CDH16: variants seen among roughly 807,000 people sequenced by gnomAD.
CDH16 encodes the protein cadherin 16.
Under a neutral mutation model 87.6 loss-of-function variants are expected in CDH16, and 79 were observed. That is an observed-to-expected ratio of 0.90 (90% CI 0.75 to 1.09). The LOEUF is 1.09. Among genes scored for constraint, CDH16 ranks in the 50% least tolerant of loss-of-function variants. CDH16 has a pLI of 0.00. For synonymous variants in CDH16, 457 were observed against 439.5 expected, an observed-to-expected ratio of 1.04 and a Z score of -0.50; for missense variants, 1,124 against 1,071.7, an observed-to-expected ratio of 1.05 and a Z score of -0.68.
rs1962633141 is a variant in CDH16 at position 66,915,361 on chromosome 16, G to A, written c.442C>T (p.Leu148Phe). Residue 148 changes from leucine to phenylalanine, a missense_variant, in exon 6 of 18, where the codon CTT becomes TTT. Coordinates refer to ENST00000299752, the MANE Select transcript of CDH16 (RefSeq NM_004062.4). ...GTRPGIPFLF[L>F]EASDRDEPGT... Reference sequence around the variant, plus strand: ...GGCTCATCCCGGTCTGAAGCCTCAAGGAAGAGGAAGGGGATGCCTGGTTCA... The same window carrying A: ...GGCTCATCCCGGTCTGAAGCCTCAAAGAAGAGGAAGGGGATGCCTGGTTCA... 6.2e-7 allele frequency: 1 copy of A among 1,613,980 alleles called. No individual in the cohort carries two copies. The highest frequency in any genetic ancestry group is 1.1e-5 in the South Asian group (1 of 91,038).
At chr16:66,915,196 C>G (rs1228416074) in intron 6 of CDH16, 24 bp downstream of exon 6, 1 of 1,585,758 alleles carries the variant, frequency 6.3e-7, no homozygotes, top group Non-Finnish European at 8.6e-7. Flanking sequence ...CCCTCCCTCC[C>G]CAGCACACCC....
chr16:66,913,520 T>C lies in CDH16; in HGVS notation c.874A>G (p.Arg292Gly), dbSNP rs746862204. The change falls in exon 8 of 18, where the codon AGA (arginine) becomes GGA (glycine). Residue 292 changes from arginine to glycine, a missense_variant. Arg to Gly is a moderately radical substitution (Grantham distance 125). Coordinates refer to ENST00000299752, the MANE Select transcript of CDH16 (RefSeq NM_004062.4). ...VNAEGNLYVT[R>G]ELDREAQAEY... is the part of the protein sequence containing the mutation. ...GCCTGGGCTTCTCTGTCCAGCTCTC[T>C]GGTCACGTAGAGGTTTCCCTCTGCA... The C allele has an allele frequency of 6.2e-7, 1 of 1,614,172 alleles. No individual in the cohort carries two copies. The highest frequency in any genetic ancestry group is 1.1e-5 in the South Asian group (1 of 91,084).
At chr16:66,917,276 G>A (rs1026236354) in intron 3 of CDH16, among the ~76,000 whole-genome samples, 17 of 152,104 alleles carry the variant, frequency 1.1e-4, no homozygotes, top group Non-Finnish European at 2.9e-5. Flanking sequence ...TCCAGCCTGG[G>A]CGACAAGAGC....
rs897352931 is a variant in CDH16 at position 66,909,405 on chromosome 16, G to A, written c.2276-22C>T. On this transcript the variant is annotated intron_variant, in intron 16 of 17. Coordinates refer to ENST00000299752, the MANE Select transcript of CDH16 (RefSeq NM_004062.4). This position sits in a 1 kb window ranked among gnomAD's most constrained non-coding sequence, Gnocchi z 4.1. ...ATCACTGAGGGGAGAGGGGAGGAAGGTAAGGGGAGGGAGGGGAGGGCTCCC... is the reference window on the plus strand; with the variant it reads ...ATCACTGAGGGGAGAGGGGAGGAAGATAAGGGGAGGGAGGGGAGGGCTCCC... 3.7e-6 allele frequency: 2 copies of A among 538,792 alleles called. No individual in the cohort carries two copies. The highest frequency in any genetic ancestry group is 7.3e-6 in the Non-Finnish European group (2 of 272,858). 33.4% of individuals were successfully genotyped at this position (538,792 alleles called of 1,614,324 possible). A position where few individuals can be genotyped will look rare whatever the true frequency, so the allele number is the denominator to read the frequency against.
rs774222467 is a variant in CDH16, at chr16:66,915,368, G to A, written c.435C>T (p.Phe145=). ...CCCGGTCTGAAGCCTCAAGGAAGAG[G>A]AAGGGGATGCCTGGTTCACGGTGGG... ...LSRGTRPGIP[F]LFLEASDRDE... Residue 145 remains phenylalanine (F), a synonymous_variant, in exon 6 of 18, where the codon TTC becomes TTT. Coordinates refer to ENST00000299752, the MANE Select transcript of CDH16 (RefSeq NM_004062.4). The A allele has an allele frequency of 2.5e-6, 4 of 1,613,940 alleles. No homozygotes were observed. The highest frequency in any genetic ancestry group is 2.5e-6 in the Non-Finnish European group (3 of 1,179,942).
intron 8 of CDH16, 43 bp downstream of exon 8, chr16:66,913,448 C>G (rs1185067222): frequency 6.2e-7 from 1 of 1,611,882 alleles, no homozygotes; most frequent in Non-Finnish European, 8.5e-7. Context: ...GGACACTGAC[C>G]AAGCACCCCC....
intron 9 of CDH16, 35 bp downstream of exon 9, chr16:66,913,096 T>C (rs1336102049): frequency 1.3e-6 from 2 of 1,581,192 alleles, no homozygotes; most frequent in Non-Finnish European, 1.7e-6. Context: ...AGGTGGTTAA[T>C]AGAGACTTCG....
In CDH16 at chr16:66,914,203, G is replaced by C. The variant is rs778611442; in HGVS notation, c.780+13C>G. Reference sequence around the variant, plus strand: ...CATGGGGCTGCTTCAGCCACTGACAGCCACTTACTCACCTGGGCCATGTGG... The same window carrying C: ...CATGGGGCTGCTTCAGCCACTGACACCCACTTACTCACCTGGGCCATGTGG... On this transcript the variant is annotated intron_variant, in intron 7 of 17. Coordinates refer to ENST00000299752, the MANE Select transcript of CDH16 (RefSeq NM_004062.4). The C allele has an allele frequency of 1.9e-6, 3 of 1,606,050 alleles. No individual in the cohort carries two copies. Among genetic ancestry groups the C allele is most frequent in the Non-Finnish European group, 2.6e-6 (3 of 1,173,384 alleles).
chr16:66,909,154 G>A lies in CDH16; in HGVS notation c.2392+113C>T. On this transcript the variant is annotated intron_variant, in intron 17 of 17. Transcript: ENST00000299752. The surrounding 1 kb of genome is among the most constrained non-coding windows in gnomAD (Gnocchi z 4.1). ...GCGCATAATGACTAGGAGAGTTGGGGGCTTCCTTTTTCAGAGCTAGGGGCA... is the reference window on the plus strand; with the variant it reads ...GCGCATAATGACTAGGAGAGTTGGGAGCTTCCTTTTTCAGAGCTAGGGGCA... 2.7e-6 allele frequency: 2 copies of A among 732,506 alleles called. No individual in the cohort carries two copies. The highest frequency in any genetic ancestry group is 2.6e-5 in the East Asian group (1 of 37,886). The allele number at this position is 732,506 out of a possible 1,614,324, so 45.4% of individuals were successfully genotyped here.
intron 6 of CDH16, among the ~76,000 whole-genome samples, chr16:66,914,743 G>A (rs572827296): frequency 1.3e-5 from 2 of 152,316 alleles, no homozygotes; most frequent in East Asian, 3.9e-4. Flanking sequence ...GGGAGTTTGA[G>A]TGTGTGAATA....
rs971619864 is a variant in CDH16, at chr16:66,909,332, C to A, written c.2327G>T (p.Arg776Leu). Residue 776 changes from arginine (R) to leucine (L), a missense_variant, in exon 17 of 18, where the codon CGC becomes CTC. Arg to Leu is a moderately radical substitution (Grantham distance 102, BLOSUM62 -2). Coordinates refer to ENST00000299752, the MANE Select transcript of CDH16 (RefSeq NM_004062.4). This position sits in a 1 kb window ranked among gnomAD's most constrained non-coding sequence, Gnocchi z 4.1. ...VEGQCMRKVG[R>L]MKGMPTKLSA... ...CAGCTTCGTGGGCATGCCCTTCATG[C>A]GGCCCACCTTGCGCATGCACTGCCC... is the stretch of plus-strand genomic sequence containing the variant. The A allele has an allele frequency of 1.9e-6, 3 of 1,584,950 alleles. No individual in the cohort carries two copies. Among genetic ancestry groups the A allele is most frequent in the Non-Finnish European group, 2.6e-6 (3 of 1,161,716 alleles).
At position 66,914,142 on chromosome 16, in the gene CDH16, C is replaced by T. The variant is rs1160933833; in HGVS notation, c.780+74G>A. ...TCATGAGGGTTCCAGACCCAGCCCC[C>T]AAATATCCATGAGACTCGGGCCTGG... On this transcript the variant is annotated intron_variant, in intron 7 of 17. Coordinates refer to ENST00000299752, the MANE Select transcript of CDH16 (RefSeq NM_004062.4). 15 of 1,332,556 alleles carry T rather than the reference C, an allele frequency of 1.1e-5. No homozygotes were observed. The Admixed American group carries it at 2.7e-4, about 24-fold the overall frequency. 82.5% of individuals were successfully genotyped at this position (1,332,556 alleles called of 1,614,324 possible).
At position 66,913,265 on chromosome 16, in the gene CDH16, C is replaced by G. The variant is rs773098450; in HGVS notation, c.920G>C (p.Arg307Pro). ...EAQAEYLLQV[R>P]AQNSHGEDYA... is the part of the protein sequence containing the mutation. ...GTCCTCGCCATGGGAATTCTGAGCCCGCACCTGGAGCAGGTACTGCGGTGG... is the reference window on the plus strand; with the variant it reads ...GTCCTCGCCATGGGAATTCTGAGCCGGCACCTGGAGCAGGTACTGCGGTGG... Residue 307 changes from arginine to proline, a missense_variant, in exon 9 of 18, where the codon CGG becomes CCG. Transcript: ENST00000299752. 3 of 1,556,462 alleles carry G rather than the reference C, an allele frequency of 1.9e-6. No homozygotes were observed. The highest frequency in any genetic ancestry group is 2.6e-6 in the Non-Finnish European group (3 of 1,149,606).
In CDH16 at chr16:66,916,535, A is replaced by T. The variant is rs963292068; in HGVS notation, c.130-106T>A. ...CATGTGGGGAAACTGAGTCTCAGAG[A>T]CATCTGGCTCCTGTCAGAGGTCACA... On this transcript the variant is annotated intron_variant, in intron 3 of 17. Transcript: ENST00000299752. This position sits in a 1 kb window ranked among gnomAD's most constrained non-coding sequence, Gnocchi z 4.1. The T allele has an allele frequency of 7.7e-7, 1 of 1,296,338 alleles. No individual in the cohort carries two copies. The highest frequency in any genetic ancestry group is 2.5e-5 in the East Asian group (1 of 40,088). 80.3% of individuals were successfully genotyped at this position (1,296,338 alleles called of 1,614,324 possible). A position where few individuals can be genotyped will look rare whatever the true frequency, so the allele number is the denominator to read the frequency against.
chr16:66,915,419 G>A (rs780621562), intron 5 of CDH16, 41 bp from the exon 6 acceptor site: 1 of 1,592,654 alleles, frequency 6.3e-7, no homozygotes, highest in Non-Finnish European at 8.6e-7. Context: ...GGATAGAGAG[G>A]GTGGGGAGAG....
Position 66,916,019 on chromosome 16 carries a change from A to G in CDH16, c.424+46T>C. 1.9e-6 allele frequency: 3 copies of G among 1,612,404 alleles called. No individual in the cohort carries two copies. Among genetic ancestry groups the G allele is most frequent in the Non-Finnish European group, 2.5e-6 (3 of 1,179,416 alleles). ...TCTCTTCGCTCTCTGCTGTTCCATCAAGGCCCACCTGACCTTACTGTAAAT... is the reference window on the plus strand; with the variant it reads ...TCTCTTCGCTCTCTGCTGTTCCATCGAGGCCCACCTGACCTTACTGTAAAT... On this transcript the variant is annotated intron_variant, in intron 5 of 17. Transcript: ENST00000299752. The surrounding 1 kb of genome is among the most constrained non-coding windows in gnomAD (Gnocchi z 4.1).
In CDH16 at chr16:66,911,933, T is replaced by G. The variant is rs575854571; in HGVS notation, c.1756A>C (p.Ile586Leu). 28 of 1,611,248 alleles carry G rather than the reference T, an allele frequency of 1.7e-5. No individual in the cohort carries two copies. The South Asian group carries it at 2.8e-4, about 16-fold the overall frequency. The change falls in exon 13 of 18, where the codon ATC (isoleucine) becomes CTC (leucine). Residue 586 changes from isoleucine to leucine, a missense_variant. Coordinates refer to ENST00000299752, the MANE Select transcript of CDH16 (RefSeq NM_004062.4). Reference protein sequence around the residue: ...SAPAGSFLLTIQPSDPISRTL... With the variant: ...SAPAGSFLLTLQPSDPISRTL... ...CGGCTGATGGGGTCGGAGGGCTGGA[T>G]GGTCAGCAGGAAAGAGCCGGCTGGG...
chr16:66,918,002 G>A lies in CDH16; in HGVS notation c.45+19C>T. ...CCCAAAGCCAAGACCTGAAGGAGAG[G>A]GGGCAGGGCCTAGCTCACCTGGGGG... On this transcript the variant is annotated intron_variant, in intron 2 of 17. Coordinates refer to ENST00000299752, the MANE Select transcript of CDH16 (RefSeq NM_004062.4). 1 of 1,564,716 alleles carries A rather than the reference G, an allele frequency of 6.4e-7. No individual in the cohort carries two copies. The highest frequency in any genetic ancestry group is 8.7e-7 in the Non-Finnish European group (1 of 1,154,426).
chr16:66,909,497 T>C lies in CDH16; in HGVS notation c.2276-114A>G. 1.4e-6 allele frequency: 1 copy of C among 708,424 alleles called. No individual in the cohort carries two copies. The highest frequency in any genetic ancestry group is 2.5e-6 in the Non-Finnish European group (1 of 407,704). 43.9% of individuals were successfully genotyped at this position (708,424 alleles called of 1,614,324 possible). ...TGTGTGTTTCTGCACATGTGTGTAT[T>C]CACATGTGTGTGAAGATATATGCGC... On this transcript the variant is annotated intron_variant, in intron 16 of 17. Transcript: ENST00000299752. This position sits in a 1 kb window ranked among gnomAD's most constrained non-coding sequence, Gnocchi z 4.1.
Sources: allele counts gnomAD v4.1 joint callset (sites outside exome capture counted in the v4.1 genomes callset), GRCh38; gene constraint gnomAD v4.1.1; non-coding constraint Gnocchi (gnomAD v3.1); transcripts MANE v1.5; gene names NCBI Gene and HGNC (gene_info 2026-07-23, HGNC 2026-07-21).